The following PCDHGA11 variants were observed in gnomAD, a reference collection of about 807,000 sequenced individuals.
PCDHGA11 encodes the protein protocadherin gamma-A11.
A neutral mutation model predicts 60.4 loss-of-function variants in PCDHGA11; 39 were observed. The observed-to-expected ratio is 0.65, with a 90% confidence interval of 0.50 to 0.84. The LOEUF is 0.84. Among genes scored for constraint, PCDHGA11 ranks in the 40% least tolerant of loss-of-function variants. The pLI is 0.00. For missense variants in PCDHGA11, 1,165 were observed against 1,197.7 expected, an observed-to-expected ratio of 0.97 and a Z score of 0.40; for synonymous variants, 533 against 510.3, an observed-to-expected ratio of 1.04 and a Z score of -0.60.
rs777606404 is a variant in PCDHGA11, at chr5:141,423,607, A to T, written c.2380A>T (p.Ile794Leu). The change falls in exon 1 of 4, where the codon ATA (isoleucine) becomes TTA (leucine). Residue 794 changes from isoleucine to leucine, a missense_variant. Ile to Leu is a conservative substitution (Grantham distance 5, BLOSUM62 2). Transcript: ENST00000398587. ...CTGTGAGAAAAGCGAGCCACTCTTG[A>T]TAGCTGAAGACTCAGCTATCATTTT... ...ESCEKSEPLL[I>L]AEDSAIILGK... 1 of 1,612,176 alleles carries T rather than the reference A, an allele frequency of 6.2e-7. No homozygotes were observed. Among genetic ancestry groups the T allele is most frequent in the Admixed American group, 1.7e-5 (1 of 59,922 alleles).
chr5:141,471,843 T>C (rs1471729261), intron 1 of PCDHGA11, among the ~76,000 whole-genome samples: 2 of 152,166 alleles, frequency 1.3e-5, no homozygotes, highest in Admixed American at 6.5e-5. Context: ...TTTAATAAAA[T>C]ATTCAGAAAA....
At chr5:141,435,052 T>C (rs922871138) in intron 1 of PCDHGA11, among the ~76,000 whole-genome samples, 1 of 152,174 alleles carries the variant, frequency 6.6e-6, no homozygotes, top group African/African-American at 2.4e-5. Context: ...CCATTGACCA[T>C]GCAGCAGTTT....
rs948944459 is a variant in PCDHGA11 at position 141,476,485 on chromosome 5, G to T, written c.2434-18322G>T. 1 of 1,614,076 alleles carries T rather than the reference G, an allele frequency of 6.2e-7. No individual in the cohort carries two copies. The highest frequency in any genetic ancestry group is 8.5e-7 in the Non-Finnish European group (1 of 1,180,016). ...CGCTGGAGCTGTTCAGCGTGGAAGT[G>T]GTGATCCAGGACATCAACGACAACA... is the stretch of plus-strand genomic sequence containing the variant. On this transcript the variant is annotated intron_variant, in intron 1 of 3. Coordinates refer to ENST00000398587, the MANE Select transcript of PCDHGA11 (RefSeq NM_018914.3). The surrounding 1 kb of genome is among the most constrained non-coding windows in gnomAD (Gnocchi z 7.6).
At chr5:141,473,205 A>G (rs370808895) in intron 1 of PCDHGA11, among the ~76,000 whole-genome samples, 1 of 152,036 alleles carries the variant, frequency 6.6e-6, no homozygotes, top group African/African-American at 2.4e-5. Flanking sequence ...CTTCTAAAAA[A>G]TGCTTACTTC....
Position 141,489,592 on chromosome 5 carries a change from C to T in PCDHGA11, c.2434-5215C>T, listed in dbSNP as rs747085985. 1.3e-5 allele frequency: 21 copies of T among 1,613,928 alleles called. No individual in the cohort carries two copies. The East Asian group carries it at 1.6e-4, about 12-fold the overall frequency. ...GACTGAACACCCCCTGGAGCTAATC[C>T]GTGTAGAGGTAGAGATCCTGGATCT... is the stretch of plus-strand genomic sequence containing the variant. On this transcript the variant is annotated intron_variant, in intron 1 of 3. Transcript: ENST00000398587. This position sits in a 1 kb window ranked among gnomAD's most constrained non-coding sequence, Gnocchi z 4.5.
intron 1 of PCDHGA11, among the ~76,000 whole-genome samples, chr5:141,455,322 G>A (rs376682363): frequency 1.3e-5 from 2 of 152,134 alleles, no homozygotes; most frequent in East Asian, 3.9e-4. Context: ...TTTTGTGTGT[G>A]TGTTTGTGGT....
chr5:141,434,852 A>G (rs1382212982), intron 1 of PCDHGA11, among the ~76,000 whole-genome samples: 2 of 151,990 alleles, frequency 1.3e-5, no homozygotes, highest in Non-Finnish European at 2.9e-5. Context: ...AGACATCAAT[A>G]AATTTATATA....
chr5:141,445,311 G>A (rs2098463310), intron 1 of PCDHGA11, among the ~76,000 whole-genome samples: 1 of 152,150 alleles, frequency 6.6e-6, no homozygotes, highest in East Asian at 1.9e-4. Flanking sequence ...CAGTTTGTAG[G>A]TTGAGAGAAC....
At chr5:141,505,282 G>C (rs73280377) in intron 2 of PCDHGA11, 111 bp from the exon 3 acceptor site, 37,017 of 1,544,812 alleles carry the variant, frequency 0.024, 1,115 homozygotes, top group African/African-American at 0.15. Context: ...AACAGGTCTT[G>C]GGCATGGGGT....
rs199698737 is a variant in PCDHGA11, at chr5:141,438,639, C to T, written c.2433+14979C>T. On this transcript the variant is annotated intron_variant, in intron 1 of 3. Transcript: ENST00000398587. ...ATATATATATATATATATATATACA[C>T]ACACACACACACATATATGTATATA... 7.1e-3 allele frequency among the ~76,000 whole-genome samples: 359 copies of T among 50,816 alleles called. 1 individual carries two copies. Among genetic ancestry groups the T allele is most frequent in the South Asian group, 0.017 (27 of 1,588 alleles). The allele number at this position is 50,816 out of a possible 152,430, so 33.3% of individuals were successfully genotyped here.
intron 1 of PCDHGA11, among the ~76,000 whole-genome samples, chr5:141,481,693 C>T (rs755007426): frequency 1.8e-4 from 27 of 152,020 alleles, no homozygotes; most frequent in Admixed American, 7.9e-4. Context: ...GTGGCTCACG[C>T]CTGTAATCCC....
At chr5:141,441,775 A>G (rs1005757857) in intron 1 of PCDHGA11, 27 of 388,638 alleles carry the variant, frequency 6.9e-5, no homozygotes, top group Admixed American at 5.4e-4. Context: ...GTGTTGGTGG[A>G]CGACCTGAAT....
Position 141,476,854 on chromosome 5 carries a change from G to A in PCDHGA11, c.2434-17953G>A. The A allele has an allele frequency of 6.2e-7, 1 of 1,613,860 alleles. No individual in the cohort carries two copies. The highest frequency in any genetic ancestry group is 1.1e-5 in the South Asian group (1 of 91,088). ...ATGACAATGCGCCTGTCTTCAACCA[G>A]TCCTTGTACCGGGCGCGCGTCCTGG... On this transcript the variant is annotated intron_variant, in intron 1 of 3. Transcript: ENST00000398587. This position sits in a 1 kb window ranked among gnomAD's most constrained non-coding sequence, Gnocchi z 7.6.
In PCDHGA11 at chr5:141,422,884, G is replaced by C. The variant is rs202035589; in HGVS notation, c.1657G>C (p.Val553Leu). Residue 553 changes from valine to leucine, a missense_variant, in exon 1 of 4, where the codon GTG (valine) becomes CTG (leucine). Transcript: ENST00000398587. ...CAGCAACGTGTCGCTGAGCCTGTTC[G>C]TGCTGGACCAGAACGACAATGCGCC... ...LSSNVSLSLF[V>L]LDQNDNAPEI... The C allele has an allele frequency of 1.7e-4, 278 of 1,614,240 alleles. No homozygotes were observed. The African/African-American group carries it at 2.0e-3, about 12-fold the overall frequency.
At chr5:141,444,471 G>A (rs929365899) in intron 1 of PCDHGA11, among the ~76,000 whole-genome samples, 1 of 151,876 alleles carries the variant, frequency 6.6e-6, no homozygotes, top group Non-Finnish European at 1.5e-5. Flanking sequence ...GCGCCCGGTC[G>A]CGTACTGGAT....
At position 141,486,141 on chromosome 5, in the gene PCDHGA11, G is replaced by A. The variant is rs369317501; in HGVS notation, c.2434-8666G>A. 28 of 1,614,066 alleles carry A rather than the reference G, an allele frequency of 1.7e-5. No homozygotes were observed. The highest frequency in any genetic ancestry group is 2.3e-5 in the Non-Finnish European group (27 of 1,180,044). On this transcript the variant is annotated intron_variant, in intron 1 of 3. Transcript: ENST00000398587. This position sits in a 1 kb window ranked among gnomAD's most constrained non-coding sequence, Gnocchi z 5.0. ...TACTATGAATTTGATGTGCGGGCTC[G>A]CGATGGGGGTTCTCCAGCCATGGAG...
intron 1 of PCDHGA11, chr5:141,475,848 C>T (rs1562050268): frequency 4.4e-6 from 2 of 451,496 alleles, no homozygotes; most frequent in Non-Finnish European, 7.9e-6. Context: ...TCAGAGAGCC[C>T]GGCGCTAGCT....
chr5:141,428,658 T>G (rs932328483), intron 1 of PCDHGA11: 1 of 165,620 alleles, frequency 6.0e-6, no homozygotes, highest in Non-Finnish European at 1.3e-5. Flanking sequence ...TGAGTTCCAA[T>G]GAATGTCTTT....
rs1004176028 is a variant in PCDHGA11 at position 141,477,025 on chromosome 5, G to A, written c.2434-17782G>A. On this transcript the variant is annotated intron_variant, in intron 1 of 3. Transcript: ENST00000398587. This position sits in a 1 kb window ranked among gnomAD's most constrained non-coding sequence, Gnocchi z 4.9. ...TCGCCTTAGACCTTGTAACCGGGATGCTGACAATCAAGGGTCGGCTGGACT... is the reference window on the plus strand; with the variant it reads ...TCGCCTTAGACCTTGTAACCGGGATACTGACAATCAAGGGTCGGCTGGACT... 10 of 1,614,146 alleles carry A rather than the reference G, an allele frequency of 6.2e-6. No homozygotes were observed. Among genetic ancestry groups the A allele is most frequent in the East Asian group, 2.2e-5 (1 of 44,888 alleles).
Sources: gnomAD v4.1 joint callset for allele counts (sites outside exome capture counted in the v4.1 genomes callset) on GRCh38, gnomAD v4.1.1 for gene constraint, Gnocchi (gnomAD v3.1) non-coding constraint, MANE v1.5 for transcripts, NCBI Gene and HGNC (gene_info 2026-07-23, HGNC 2026-07-21) for gene names.